Variants in ZNRF1 observed in about 807,000 individuals in gnomAD.
ZNRF1 encodes the protein zinc and ring finger 1, also known as E3 ubiquitin-protein ligase ZNRF1.
In ZNRF1, 3 loss-of-function variants were observed where a neutral mutation model predicts 18.4. The observed-to-expected ratio is 0.16, with a 90% CI of 0.07 to 0.42. The LOEUF (loss-of-function observed/expected upper bound fraction) is 0.42, where lower values mean the gene tolerates loss of function less well. Among genes scored for constraint, ZNRF1 ranks in the 10% least tolerant of loss-of-function variants. ZNRF1 has a pLI of 0.99. For synonymous variants in ZNRF1, 157 were observed against 144.2 expected, an observed-to-expected ratio of 1.09 and a Z score of -0.64; for missense variants, 310 against 329.8, an observed-to-expected ratio of 0.94 and a Z score of 0.47.
intron 1 of ZNRF1, among the ~76,000 whole-genome samples, chr16:75,072,055 C>T (rs1317925842): frequency 6.6e-6 from 1 of 152,144 alleles, no homozygotes; most frequent in East Asian, 1.9e-4. Flanking sequence ...CCTCCCACTT[C>T]AGCCTCCCGA....
intron 1 of ZNRF1, among the ~76,000 whole-genome samples, chr16:75,021,745 C>G (rs932828962): frequency 6.6e-6 from 1 of 152,110 alleles, no homozygotes; most frequent in Non-Finnish European, 1.5e-5. Flanking sequence ...GCTGCTTTAT[C>G]TTGTCTTTAC....
chr16:75,033,676 A>G (rs111594485), intron 1 of ZNRF1, among the ~76,000 whole-genome samples: 2 of 152,186 alleles, frequency 1.3e-5, no homozygotes, highest in African/African-American at 4.8e-5. Context: ...ACCTCAAGTG[A>G]TCTGTTTCCC....
chr16:75,022,290 G>A (rs562652730), intron 1 of ZNRF1, among the ~76,000 whole-genome samples: 5 of 150,260 alleles, frequency 3.3e-5, no homozygotes, highest in Admixed American at 6.7e-5. Flanking sequence ...TTGGCTGAGC[G>A]AGGTGGCTCA....
At chr16:75,000,429 T>G in intron 1 of ZNRF1, 1 of 499,386 alleles carries the variant, frequency 2.0e-6, no homozygotes. Context: ...GGTACTTCCA[T>G]TCTGCCACTG....
chr16:75,000,186 C>A (rs1226880595), intron 1 of ZNRF1, 91 bp downstream of exon 1: 2 of 1,499,296 alleles, frequency 1.3e-6, no homozygotes, highest in South Asian at 1.2e-5. Context: ...GAATGTAGTG[C>A]ACGACCGGGA....
chr16:75,003,251 T>C (rs1321776600), intron 1 of ZNRF1, among the ~76,000 whole-genome samples: 1 of 152,230 alleles, frequency 6.6e-6, no homozygotes, highest in Non-Finnish European at 1.5e-5. Context: ...CGTGAGCCAC[T>C]GCGCCCTGCA....
chr16:74,999,661 C>T lies in ZNRF1; in HGVS notation c.-11C>T. On this transcript the variant is annotated 5_prime_UTR_variant, in exon 1 of 5. Transcript: ENST00000335325. ...CCTCCAGGTTCCCGCCCCACCGGGGCCCGGGCGAGCATGGGGGGCAAGCAG... is the reference window on the plus strand; with the variant it reads ...CCTCCAGGTTCCCGCCCCACCGGGGTCCGGGCGAGCATGGGGGGCAAGCAG... 4 of 1,333,708 alleles carry T rather than the reference C, an allele frequency of 3.0e-6. No individual in the cohort carries two copies. The highest frequency in any genetic ancestry group is 3.8e-6 in the Non-Finnish European group (4 of 1,048,400). 82.6% of individuals were successfully genotyped at this position (1,333,708 alleles called of 1,614,324 possible).
chr16:75,024,372 G>C (rs1185744085), intron 1 of ZNRF1, among the ~76,000 whole-genome samples: 1 of 152,158 alleles, frequency 6.6e-6, no homozygotes, highest in African/African-American at 2.4e-5. Flanking sequence ...TTTTTAAAAA[G>C]TCTATTGTGA....
chr16:75,079,373 G>A (rs1027137752), intron 1 of ZNRF1, among the ~76,000 whole-genome samples: 5 of 152,184 alleles, frequency 3.3e-5, no homozygotes, highest in Non-Finnish European at 5.9e-5. Context: ...CCAGCTACTC[G>A]GGAGGCTGAG....
At chr16:75,082,147 G>C (rs540369623) in intron 1 of ZNRF1, among the ~76,000 whole-genome samples, 21 of 152,248 alleles carry the variant, frequency 1.4e-4, no homozygotes, top group African/African-American at 5.1e-4. Flanking sequence ...CTCCCAAAGT[G>C]TTGGAATTAC....
At chr16:75,088,945 A>G (rs1458439767) in intron 1 of ZNRF1, among the ~76,000 whole-genome samples, 1 of 152,148 alleles carries the variant, frequency 6.6e-6, no homozygotes, top group Admixed American at 6.5e-5. Context: ...GAGAGGTTCA[A>G]AGGAAACGGT....
chr16:75,036,558 T>A (rs374292686), intron 1 of ZNRF1, among the ~76,000 whole-genome samples: 2 of 151,462 alleles, frequency 1.3e-5, no homozygotes, highest in African/African-American at 4.9e-5. Flanking sequence ...TCCAATACTT[T>A]CATCTGTTTC....
chr16:75,078,423 C>T (rs8053233), intron 1 of ZNRF1, among the ~76,000 whole-genome samples: 3,552 of 151,740 alleles, frequency 0.023, 160 homozygotes, highest in African/African-American at 0.083. Context: ...CTCAGCCTCC[C>T]GAATAGCTGG....
At chr16:75,074,334 A>G (rs1027243505) in intron 1 of ZNRF1, among the ~76,000 whole-genome samples, 1 of 152,224 alleles carries the variant, frequency 6.6e-6, no homozygotes, top group African/African-American at 2.4e-5. Context: ...GCCAGCATGT[A>G]GCACAGAGCC....
At chr16:75,036,641 G>T in intron 1 of ZNRF1, among the ~76,000 whole-genome samples, 1 of 148,956 alleles carries the variant, frequency 6.7e-6, no homozygotes. Flanking sequence ...TTGGCCGGGT[G>T]GACAACCTGT....
chr16:75,094,323 G>A (rs1362422595), intron 2 of ZNRF1, among the ~76,000 whole-genome samples: 2 of 152,184 alleles, frequency 1.3e-5, no homozygotes, highest in African/African-American at 4.8e-5. Flanking sequence ...AGTGAATACC[G>A]CAGAGGGTAG....
chr16:75,001,672 C>A (rs915588258), intron 1 of ZNRF1, among the ~76,000 whole-genome samples: 2 of 152,128 alleles, frequency 1.3e-5, no homozygotes, highest in Non-Finnish European at 2.9e-5. Context: ...CTTAAAAGTA[C>A]TGTAAGAAGT....
At chr16:75,105,278 G>T in intron 3 of ZNRF1, 1 of 204,076 alleles carries the variant, frequency 4.9e-6, no homozygotes, top group Non-Finnish European at 1.0e-5. Context: ...ATCTGTGCGA[G>T]GAAGGCCAGG....
intron 1 of ZNRF1, among the ~76,000 whole-genome samples, chr16:75,015,616 C>A (rs1203850358): frequency 6.6e-6 from 1 of 152,174 alleles, no homozygotes; most frequent in African/African-American, 2.4e-5. Context: ...CAGGATCTCA[C>A]TCTGTTGCCC....
Sources: allele counts gnomAD v4.1 joint callset (sites outside exome capture counted in the v4.1 genomes callset), GRCh38; gene constraint gnomAD v4.1.1; transcripts MANE v1.5; gene names NCBI Gene and HGNC (gene_info 2026-07-23, HGNC 2026-07-21).